The following SNTG2 variants were observed in gnomAD, a reference collection of about 807,000 sequenced individuals.
SNTG2 encodes the protein syntrophin gamma 2, also known as gamma-2-syntrophin.
Under a neutral mutation model 70.9 loss-of-function variants are expected in SNTG2, and 74 were observed. That is an observed-to-expected ratio of 1.04 (90% CI 0.86 to 1.27). The LOEUF is 1.27. SNTG2 is among the 50% of genes most tolerant of loss of function. The pLI is 0.00. For missense variants in SNTG2, 717 were observed against 690.7 expected, an observed-to-expected ratio of 1.04 and a Z score of -0.43; for synonymous variants, 278 against 273.8, an observed-to-expected ratio of 1.02 and a Z score of -0.15.
chr2:986,315 C>T (rs1323246256), intron 1 of SNTG2, among the ~76,000 whole-genome samples: 2 of 152,180 alleles, frequency 1.3e-5, no homozygotes, highest in African/African-American at 4.8e-5. Flanking sequence ...GTTTGGGATG[C>T]AATGACAAAG....
At position 1,283,329 on chromosome 2, in the gene SNTG2, C is replaced by T. The variant is rs112493101; in HGVS notation, c.1284+15758C>T. On this transcript the variant is annotated intron_variant, in intron 14 of 16. Coordinates refer to ENST00000308624, the MANE Select transcript of SNTG2 (RefSeq NM_018968.4). ...CCCTGCCAATCCGGCTGCTTGGGAC[C>T]GGGGTGCCCACCCCTTTGCCTCCCT... 3.3e-5 allele frequency among the ~76,000 whole-genome samples: 5 copies of T among 152,274 alleles called. No homozygotes were observed. In the East Asian group the frequency reaches 7.8e-4, roughly 24 times the overall value.
chr2:1,105,451 G>A (rs1666054178), intron 4 of SNTG2, among the ~76,000 whole-genome samples: 4 of 152,154 alleles, frequency 2.6e-5, no homozygotes, highest in Admixed American at 2.6e-4. Context: ...GCTTTAGTGA[G>A]GTGTGTGCAC....
intron 14 of SNTG2, among the ~76,000 whole-genome samples, 198 bp from the exon 15 acceptor site, chr2:1,308,296 A>G (rs1680803451): frequency 6.6e-6 from 1 of 152,176 alleles, no homozygotes; most frequent in African/African-American, 2.4e-5. Flanking sequence ...CCTCTTGACA[A>G]AAAGCAAGAA....
intron 1 of SNTG2, among the ~76,000 whole-genome samples, chr2:981,091 C>A (rs1245233746): frequency 2.0e-5 from 3 of 152,210 alleles, no homozygotes; most frequent in Non-Finnish European, 4.4e-5. Context: ...CACCCTCCAG[C>A]ATGCTTCTCA....
At chr2:1,162,016 G>T (rs899925796) in intron 6 of SNTG2, among the ~76,000 whole-genome samples, 1 of 146,606 alleles carries the variant, frequency 6.8e-6, no homozygotes, top group South Asian at 2.2e-4. Context: ...GGAGCTTGCA[G>T]TGGGCCCAGA....
At chr2:1,112,232 G>A (rs137988381) in intron 4 of SNTG2, among the ~76,000 whole-genome samples, 5,302 of 151,288 alleles carry the variant, frequency 0.035, 209 homozygotes, top group South Asian at 0.19. Context: ...ACTAAGTGAG[G>A]TTTAACCCTT....
chr2:1,320,148 T>G (rs1345166411), intron 16 of SNTG2, among the ~76,000 whole-genome samples: 1 of 152,226 alleles, frequency 6.6e-6, no homozygotes, highest in Admixed American at 6.5e-5. Flanking sequence ...TAGTGCATGA[T>G]GGGAACACTT....
In SNTG2 at chr2:1,077,561, G is replaced by T. The variant is rs143031986; in HGVS notation, c.73-5957G>T. On this transcript the variant is annotated intron_variant, in intron 1 of 16. Coordinates refer to ENST00000308624, the MANE Select transcript of SNTG2 (RefSeq NM_018968.4). Reference sequence around the variant, plus strand: ...TCCATGAACCCCGGGTCTGCGGCACGCATTTAGTTTCGAATATGGTATTTT... The same window carrying T: ...TCCATGAACCCCGGGTCTGCGGCACTCATTTAGTTTCGAATATGGTATTTT... Among the ~76,000 whole-genome samples the T allele has an allele frequency of 2.6e-5, 4 of 152,176 alleles. No homozygotes were observed. In the East Asian group the frequency reaches 7.7e-4, roughly 29 times the overall value.
At chr2:1,323,864 A>G (rs1469158724) in intron 16 of SNTG2, among the ~76,000 whole-genome samples, 2 of 151,066 alleles carry the variant, frequency 1.3e-5, no homozygotes, top group African/African-American at 4.9e-5. Context: ...CATATTGCTG[A>G]GACCTCCCGC....
At chr2:1,205,923 A>G (rs1442091211) in intron 8 of SNTG2, among the ~76,000 whole-genome samples, 1 of 152,146 alleles carries the variant, frequency 6.6e-6, no homozygotes, top group Non-Finnish European at 1.5e-5. Flanking sequence ...TTCTTTGGCA[A>G]CTTTTGACTA....
At chr2:1,020,811 CTG>C (rs1660123913) in intron 1 of SNTG2, among the ~76,000 whole-genome samples, 1 of 152,118 alleles carries the variant, frequency 6.6e-6, no homozygotes. Flanking sequence ...ACAGACTTCT[CTG>C]TTTTTAACCA....
At chr2:1,125,839 A>G (rs1196079031) in intron 4 of SNTG2, among the ~76,000 whole-genome samples, 6 of 152,174 alleles carry the variant, frequency 3.9e-5, no homozygotes, top group Non-Finnish European at 8.8e-5. Context: ...GGTGTGGTGT[A>G]CAGGGATAGG....
At chr2:1,204,072 T>C (rs1429517718) in intron 8 of SNTG2, among the ~76,000 whole-genome samples, 3 of 152,172 alleles carry the variant, frequency 2.0e-5, no homozygotes, top group South Asian at 2.1e-4. Flanking sequence ...TACCGAGTTA[T>C]AAAGCAGCAA....
chr2:1,222,152 C>CTCT, intron 9 of SNTG2, among the ~76,000 whole-genome samples: 1 of 128,374 alleles, frequency 7.8e-6, no homozygotes, highest in African/African-American at 2.9e-5. Context: ...TCTGTCTCTG[C>CTCT]CTATCTCTGT....
At chr2:1,289,826 C>T (rs986616648) in intron 14 of SNTG2, among the ~76,000 whole-genome samples, 1 of 152,138 alleles carries the variant, frequency 6.6e-6, no homozygotes, top group Non-Finnish European at 1.5e-5. Flanking sequence ...AGCCACTATT[C>T]CACTCCCCGT....
chr2:1,103,390 T>TTC (rs1553327295), intron 4 of SNTG2: 41 of 271,864 alleles, frequency 1.5e-4, no homozygotes, highest in Non-Finnish European at 2.4e-4. Flanking sequence ...TTTTTTTTTT[T>TTC]ATTTTTTTTT....
chr2:1,048,127 CTCA>C (rs1486034152), intron 1 of SNTG2, among the ~76,000 whole-genome samples: 2 of 152,032 alleles, frequency 1.3e-5, no homozygotes, highest in African/African-American at 2.4e-5. Context: ...TTTCCTTCAC[CTCA>C]TCATAGTCAT....
At chr2:973,659 G>A (rs997419591) in intron 1 of SNTG2, among the ~76,000 whole-genome samples, 1 of 151,820 alleles carries the variant, frequency 6.6e-6, no homozygotes, top group African/African-American at 2.4e-5. Context: ...GTAACTGCCT[G>A]TTACTGAGTT....
rs1185946852 is a variant in SNTG2 at position 1,222,117 on chromosome 2, C to CTCTGTT, written c.719+12890_719+12891insGTTTCT. 5.1e-4 allele frequency among the ~76,000 whole-genome samples: 19 copies of CTCTGTT among 37,506 alleles called. 2 individuals carry two copies. Among genetic ancestry groups the CTCTGTT allele is most frequent in the African/African-American group, 1.4e-3 (17 of 12,270 alleles). The allele number at this position is 37,506 out of a possible 152,430, so 24.6% of individuals were successfully genotyped here. The stretch of plus-strand genomic sequence containing the variant: ...TCTGTCTCTCTCTGTCTCTCTCTGT[C>CTCTGTT]TCTCTCTGTCTCTCTCTGTCTCTCT... On this transcript the variant is annotated intron_variant, in intron 9 of 16. Transcript: ENST00000308624.
Sources: allele counts gnomAD v4.1 joint callset (sites outside exome capture counted in the v4.1 genomes callset), GRCh38; gene constraint gnomAD v4.1.1; transcripts MANE v1.5; gene names NCBI Gene and HGNC (gene_info 2026-07-23, HGNC 2026-07-21).